SENP6: variants seen among roughly 807,000 people sequenced by gnomAD.
The protein encoded by SENP6 is SUMO specific peptidase 6, also known as sentrin-specific protease 6.
Under a neutral mutation model 134.5 loss-of-function variants are expected in SENP6, and 41 were observed. The observed-to-expected ratio is 0.30, with a 90% CI of 0.24 to 0.40. SENP6 has a LOEUF of 0.40. SENP6 is among the 10% of genes least tolerant of loss of function. SENP6 has a pLI of 1.00. For missense variants in SENP6, 1,248 were observed against 1,312.5 expected (o/e 0.95, Z 0.76); for synonymous variants, 395 against 429.8 (o/e 0.92, Z 1.00).
At chr6:75,710,184 G>T (rs1015142486) in intron 20 of SENP6, among the ~76,000 whole-genome samples, 9 of 149,360 alleles carry the variant, frequency 6.0e-5, no homozygotes, top group African/African-American at 2.3e-4. Context: ...CACTTTTCCA[G>T]TTATTTTTTT....
intron 3 of SENP6, 108 bp downstream of exon 3, chr6:75,624,068 C>A: frequency 1.3e-6 from 1 of 783,680 alleles, no homozygotes; most frequent in Non-Finnish European, 2.0e-6. Flanking sequence ...CCACTTTCTC[C>A]ACTCCAGAGG....
At chr6:75,639,413 T>C (rs1769857790) in intron 5 of SENP6, among the ~76,000 whole-genome samples, 1 of 152,140 alleles carries the variant, frequency 6.6e-6, no homozygotes, top group African/African-American at 2.4e-5. Flanking sequence ...TTTAATGTGT[T>C]CATGTAAAAA....
intron 9 of SENP6, among the ~76,000 whole-genome samples, chr6:75,664,713 G>A (rs909699433): frequency 6.6e-6 from 1 of 152,186 alleles, no homozygotes; most frequent in African/African-American, 2.4e-5. Context: ...GAGAAATACT[G>A]AGATGATACT....
At chr6:75,634,846 A>T in intron 5 of SENP6, 35 bp downstream of exon 5, 1 of 1,349,706 alleles carries the variant, frequency 7.4e-7, no homozygotes, top group South Asian at 1.2e-5. Flanking sequence ...TAGTATATAC[A>T]TGGCATCTTC....
chr6:75,602,554 A>G lies in SENP6; in HGVS notation c.30A>G (p.Ala10=). 6.4e-7 allele frequency: 1 copy of G among 1,551,556 alleles called. No homozygotes were observed. Among genetic ancestry groups the G allele is most frequent in the Non-Finnish European group, 8.7e-7 (1 of 1,146,920 alleles). The change falls in exon 1 of 24, where the codon GCA becomes GCG. Residue 10 remains alanine (A), a synonymous_variant. Transcript: ENST00000447266. MAAGKSGGS[A]GEITFLEALA... The stretch of plus-strand genomic sequence containing the variant: ...CGGCCGGCAAGAGCGGCGGTAGCGC[A>G]GGGGAGATTACTTTTCTGGAAGGTA...
intron 4 of SENP6, 77 bp from the exon 5 acceptor site, chr6:75,634,630 A>AT: frequency 2.6e-6 from 2 of 766,800 alleles, no homozygotes; most frequent in Non-Finnish European, 4.0e-6. Context: ...GTTTGTTCAG[A>AT]TTTTAAAAGA....
intron 11 of SENP6, among the ~76,000 whole-genome samples, chr6:75,674,735 G>A (rs940189943): frequency 2.6e-5 from 4 of 152,158 alleles, no homozygotes; most frequent in Non-Finnish European, 4.4e-5. Context: ...ATTAATTATT[G>A]TAGTAATTGC....
At position 75,702,929 on chromosome 6, in the gene SENP6, A is replaced by C. The variant is rs776070542; in HGVS notation, c.2573A>C (p.Lys858Thr). Reference protein sequence around the residue: ...PRYKRNICSVKYSVKKINHTA... With the variant: ...PRYKRNICSVTYSVKKINHTA... ...TATAAGAGAAACATATGCAGTGTAAAATACAGTGTGAAAAAAATAAATCAT... is the reference window on the plus strand; with the variant it reads ...TATAAGAGAAACATATGCAGTGTAACATACAGTGTGAAAAAAATAAATCAT... Residue 858 changes from lysine (K) to threonine (T), a missense_variant, in exon 19 of 24, where the codon AAA becomes ACA. Lys to Thr is a moderately conservative substitution (Grantham distance 78). Around this residue, in one of 3 missense-constraint regions of SENP6, gnomAD observed 386 missense variants for 395.0 expected, o/e 0.98. Coordinates refer to ENST00000447266, the MANE Select transcript of SENP6 (RefSeq NM_015571.4). 1 of 1,614,174 alleles carries C rather than the reference A, an allele frequency of 6.2e-7. No individual in the cohort carries two copies. The highest frequency in any genetic ancestry group is 1.1e-5 in the South Asian group (1 of 91,078).
chr6:75,613,586 AG>A (rs1767625971), intron 1 of SENP6, among the ~76,000 whole-genome samples: 1 of 152,178 alleles, frequency 6.6e-6, no homozygotes, highest in African/African-American at 2.4e-5. Flanking sequence ...TTCCACAAAT[AG>A]GGGGATGTAT....
chr6:75,628,166 A>G (rs1768842970), intron 3 of SENP6, among the ~76,000 whole-genome samples: 1 of 152,140 alleles, frequency 6.6e-6, no homozygotes, highest in Admixed American at 6.5e-5. Context: ...TAGAAATTTT[A>G]TATTGTGCCT....
chr6:75,644,476 T>TC (rs1491486867), intron 6 of SENP6, among the ~76,000 whole-genome samples: 1 of 28,568 alleles, frequency 3.5e-5, no homozygotes, highest in East Asian at 4.3e-4. Context: ...TCTTTCTTTC[T>TC]TTTTTTTTTT....
At chr6:75,630,379 T>C (rs1769020406) in intron 3 of SENP6, among the ~76,000 whole-genome samples, 2 of 152,172 alleles carry the variant, frequency 1.3e-5, no homozygotes, top group African/African-American at 4.8e-5. Context: ...TTTTAGGTAA[T>C]TTATCTGCTA....
At chr6:75,678,326 T>C (rs1773231811) in intron 14 of SENP6, 2 of 333,810 alleles carry the variant, frequency 6.0e-6, no homozygotes, top group African/African-American at 4.4e-5. Context: ...ATGTAGATAG[T>C]AGAGAGAGAA....
intron 16 of SENP6, among the ~76,000 whole-genome samples, chr6:75,689,581 G>A (rs112244867): frequency 0.016 from 2,433 of 152,202 alleles, 65 homozygotes; most frequent in African/African-American, 0.056. Context: ...ATACAGTCTC[G>A]TGCCACATAA....
chr6:75,607,560 C>T (rs561024400), intron 1 of SENP6, among the ~76,000 whole-genome samples: 4 of 151,382 alleles, frequency 2.6e-5, no homozygotes, highest in African/African-American at 9.7e-5. Flanking sequence ...TTTTTTTTAA[C>T]CAAGTGAATT....
At chr6:75,636,061 C>T (rs967354883) in intron 5 of SENP6, among the ~76,000 whole-genome samples, 14 of 151,960 alleles carry the variant, frequency 9.2e-5, no homozygotes, top group South Asian at 4.2e-4. Flanking sequence ...AAAAACAACC[C>T]GTTAATAGTC....
At chr6:75,698,665 T>C (rs1774817132) in intron 18 of SENP6, among the ~76,000 whole-genome samples, 1 of 152,234 alleles carries the variant, frequency 6.6e-6, no homozygotes, top group African/African-American at 2.4e-5. Flanking sequence ...CATATTATCA[T>C]AGTAAAATTT....
chr6:75,672,160 A>G (rs1467760409), intron 11 of SENP6, among the ~76,000 whole-genome samples: 1 of 152,154 alleles, frequency 6.6e-6, no homozygotes, highest in Non-Finnish European at 1.5e-5. Flanking sequence ...CAAAAATGTC[A>G]CTGTGTGTCA....
intron 1 of SENP6, among the ~76,000 whole-genome samples, chr6:75,614,989 C>T (rs1170511208): frequency 6.6e-6 from 1 of 151,998 alleles, no homozygotes; most frequent in Non-Finnish European, 1.5e-5. Context: ...CTCCTGGGTT[C>T]AAGCAATTCT....
Sources: allele counts gnomAD v4.1 joint callset (sites outside exome capture counted in the v4.1 genomes callset), GRCh38; gene constraint gnomAD v4.1.1; regional missense constraint gnomAD v4.1.1; transcripts MANE v1.5; gene names NCBI Gene and HGNC (gene_info 2026-07-23, HGNC 2026-07-21).